The following MDGA2 variants were observed in gnomAD, a reference collection of about 807,000 sequenced individuals.
MDGA2 encodes the protein MAM domain containing glycosylphosphatidylinositol anchor 2, also known as MAM domain-containing glycosylphosphatidylinositol anchor protein 2.
A neutral mutation model predicts 117.8 loss-of-function variants in MDGA2; 40 were observed. The observed-to-expected ratio is 0.34, with a 90% confidence interval of 0.26 to 0.44. MDGA2 has a LOEUF of 0.44. Ranked by LOEUF, MDGA2 falls within the 20% of genes least tolerant of loss-of-function variation. The probability of loss-of-function intolerance (pLI) is 1.00; values close to 1 mark genes in which losing one functional copy is unlikely to be tolerated. For synonymous variants in MDGA2, 452 were observed against 439.0 expected (o/e 1.03, Z -0.37); for missense variants, 1,123 against 1,250.6 (o/e 0.90, Z 1.54).
At chr14:47,475,145 A>G (rs920890509) in intron 1 of MDGA2, among the ~76,000 whole-genome samples, 1 of 152,148 alleles carries the variant, frequency 6.6e-6, no homozygotes, top group Non-Finnish European at 1.5e-5. Context: ...AGAAAAAACA[A>G]CCCCGTTAAA....
chr14:46,961,200 C>T lies in MDGA2; in HGVS notation c.1820-3557G>A, dbSNP rs1448497869. 5.9e-5 allele frequency among the ~76,000 whole-genome samples: 9 copies of T among 151,956 alleles called. No individual in the cohort carries two copies. In the South Asian group the frequency reaches 1.7e-3, roughly 28 times the overall value. On this transcript the variant is annotated intron_variant, in intron 8 of 16. Coordinates refer to ENST00000399232, the MANE Select transcript of MDGA2 (RefSeq NM_001113498.3). ...GTTCCTAGTGATGAGTTTCTTTTTACTTATGGGTTTGAAATTTGTTGGGCT... is the reference window on the plus strand; with the variant it reads ...GTTCCTAGTGATGAGTTTCTTTTTATTTATGGGTTTGAAATTTGTTGGGCT...
At chr14:46,863,497 C>A (rs1327250971) in intron 14 of MDGA2, among the ~76,000 whole-genome samples, 2 of 152,030 alleles carry the variant, frequency 1.3e-5, no homozygotes, top group Non-Finnish European at 2.9e-5. Flanking sequence ...GTAAAAAATA[C>A]CCATTGTAAT....
chr14:47,157,286 T>G (rs1277236974), intron 3 of MDGA2, among the ~76,000 whole-genome samples: 1 of 152,232 alleles, frequency 6.6e-6, no homozygotes, highest in African/African-American at 2.4e-5. Flanking sequence ...AGAATGTGGC[T>G]ATCTATAAAA....
chr14:47,101,577 T>C (rs1394375256), intron 5 of MDGA2, among the ~76,000 whole-genome samples: 3 of 152,138 alleles, frequency 2.0e-5, no homozygotes, highest in African/African-American at 7.2e-5. Context: ...ATACTCCATG[T>C]TCCAGGGAGA....
At chr14:47,203,461 A>C (rs1408009200) in intron 3 of MDGA2, among the ~76,000 whole-genome samples, 1 of 151,988 alleles carries the variant, frequency 6.6e-6, no homozygotes, top group East Asian at 1.9e-4. Flanking sequence ...AGAAACTAGG[A>C]TCAATGATTC....
At chr14:47,133,493 C>T (rs1882308535) in intron 4 of MDGA2, among the ~76,000 whole-genome samples, 2 of 151,890 alleles carry the variant, frequency 1.3e-5, no homozygotes, top group Admixed American at 1.3e-4. Context: ...CTACTTGTTC[C>T]ATAGTTAACC....
chr14:47,487,568 T>TC (rs1278052692), intron 1 of MDGA2, among the ~76,000 whole-genome samples: 1 of 152,330 alleles, frequency 6.6e-6, no homozygotes, highest in South Asian at 2.1e-4. Flanking sequence ...TATTCAATAT[T>TC]CCTAGCACTT....
intron 1 of MDGA2, among the ~76,000 whole-genome samples, chr14:47,510,320 G>T (rs2138691717): frequency 6.6e-6 from 1 of 152,256 alleles, no homozygotes; most frequent in Non-Finnish European, 1.5e-5. Flanking sequence ...AATTCCTGTT[G>T]TTTATAAGCC....
chr14:46,969,553 G>A (rs1886174974), intron 8 of MDGA2, among the ~76,000 whole-genome samples: 1 of 152,144 alleles, frequency 6.6e-6, no homozygotes, highest in African/African-American at 2.4e-5. Flanking sequence ...GTCTTCTTTT[G>A]AGAAGTGTCT....
intron 3 of MDGA2, among the ~76,000 whole-genome samples, chr14:47,198,052 G>A (rs1184351657): frequency 7.0e-6 from 1 of 142,570 alleles, no homozygotes; most frequent in Non-Finnish European, 1.5e-5. Context: ...AGTAAAAAAT[G>A]TATTTTTTTT....
chr14:47,131,910 C>T, intron 4 of MDGA2, 64 bp from the exon 5 acceptor site: 1 of 1,252,872 alleles, frequency 8.0e-7, no homozygotes, highest in Non-Finnish European at 1.1e-6. Context: ...ATGAATGAAA[C>T]ATCACATCAC....
At chr14:47,525,863 T>C (rs1019113682) in intron 1 of MDGA2, among the ~76,000 whole-genome samples, 2 of 152,058 alleles carry the variant, frequency 1.3e-5, no homozygotes, top group African/African-American at 4.8e-5. Context: ...GTTTAAATTT[T>C]TTATTGATTC....
At chr14:47,253,872 T>C (rs1887528355) in intron 2 of MDGA2, among the ~76,000 whole-genome samples, 1 of 152,244 alleles carries the variant, frequency 6.6e-6, no homozygotes, top group East Asian at 1.9e-4. Context: ...CCATACATCC[T>C]CTGAAATCTA....
intron 1 of MDGA2, among the ~76,000 whole-genome samples, chr14:47,445,754 G>C (rs1011249110): frequency 1.3e-5 from 2 of 152,102 alleles, no homozygotes; most frequent in African/African-American, 2.4e-5. Flanking sequence ...AAGCAGAAGG[G>C]GAGGGAACAA....
chr14:47,674,474 C>G (rs749173503), intron 1 of MDGA2, 43 bp downstream of exon 1: 2 of 1,513,026 alleles, frequency 1.3e-6, no homozygotes, highest in South Asian at 2.5e-5. Flanking sequence ...GCCTATCTTG[C>G]CTAAGAATCA....
At chr14:47,281,708 G>A (rs1243454182) in intron 2 of MDGA2, among the ~76,000 whole-genome samples, 1 of 152,100 alleles carries the variant, frequency 6.6e-6, no homozygotes, top group Non-Finnish European at 1.5e-5. Flanking sequence ...GTAAAATGCT[G>A]ATTTTTGAAT....
chr14:47,503,221 C>G (rs924911066), intron 1 of MDGA2, among the ~76,000 whole-genome samples: 1 of 151,500 alleles, frequency 6.6e-6, no homozygotes, highest in African/African-American at 2.4e-5. Context: ...TGTTGATGAT[C>G]AGTACAGTGG....
intron 1 of MDGA2, among the ~76,000 whole-genome samples, chr14:47,404,548 G>A (rs1892223090): frequency 1.3e-5 from 2 of 151,780 alleles, no homozygotes; most frequent in East Asian, 1.9e-4. Flanking sequence ...ATGCTGGAGT[G>A]CAGTGATGGG....
Position 46,993,201 on chromosome 14 carries a change from AT to A in MDGA2, c.1820-35559del, listed in dbSNP as rs546662801. Among the ~76,000 whole-genome samples, 156 of 152,272 alleles carry A rather than the reference AT, an allele frequency of 1.0e-3. 1 individual carries two copies. The highest frequency in any genetic ancestry group is 3.5e-3 in the African/African-American group (147 of 41,574). On this transcript the variant is annotated intron_variant, in intron 8 of 16. Transcript: ENST00000399232. ...CGAGGTATGCTTTTAATAAAATAGC[AT>A]TGTTTATTAAGCACATTTTATCCAT...
Sources: gnomAD v4.1 joint callset for allele counts (sites outside exome capture counted in the v4.1 genomes callset) on GRCh38, gnomAD v4.1.1 for gene constraint, MANE v1.5 for transcripts, NCBI Gene and HGNC (gene_info 2026-07-23, HGNC 2026-07-21) for gene names.